The following TBC1D23 variants were observed in gnomAD, a reference collection of about 807,000 sequenced individuals.
The protein encoded by TBC1D23 is TBC1 domain family member 23.
Under a neutral mutation model 91.4 loss-of-function variants are expected in TBC1D23, and 55 were observed. The ratio of observed to expected loss-of-function variants is 0.60; its 90% confidence interval spans 0.48 to 0.75. The LOEUF is 0.75. TBC1D23 is among the 30% of genes least tolerant of loss of function. The pLI is 0.00. For missense variants in TBC1D23, 725 were observed against 836.1 expected (o/e 0.87, Z 1.64); for synonymous variants, 289 against 281.0 (o/e 1.03, Z -0.28).
chr3:100,308,483 A>G (rs1057331848), intron 13 of TBC1D23, among the ~76,000 whole-genome samples: 3 of 152,204 alleles, frequency 2.0e-5, no homozygotes, highest in African/African-American at 7.2e-5. Context: ...TCTCAAAAAA[A>G]AAAAAAAATT....
Position 100,298,062 on chromosome 3 carries a change from C to T in TBC1D23, c.999+17C>T, listed in dbSNP as rs762572508. The T allele has an allele frequency of 6.2e-7, 1 of 1,610,028 alleles. No homozygotes were observed. The highest frequency in any genetic ancestry group is 1.3e-5 in the African/African-American group (1 of 74,734). On this transcript the variant is annotated intron_variant, in intron 9 of 18. Transcript: ENST00000394144. ...CTACAAGGGGTAAGTAAAGGAAACCCAGTTTGTTAGGGGACTGTTCATTTT... is the reference window on the plus strand; with the variant it reads ...CTACAAGGGGTAAGTAAAGGAAACCTAGTTTGTTAGGGGACTGTTCATTTT...
intron 1 of TBC1D23, among the ~76,000 whole-genome samples, chr3:100,265,027 A>G (rs2067546726): frequency 6.6e-6 from 1 of 152,194 alleles, no homozygotes; most frequent in Admixed American, 6.5e-5. Flanking sequence ...GGTTATATAT[A>G]TATCAGAATG....
intron 7 of TBC1D23, among the ~76,000 whole-genome samples, chr3:100,295,724 C>T (rs1312227015): frequency 6.6e-6 from 1 of 152,114 alleles, no homozygotes; most frequent in African/African-American, 2.4e-5. Flanking sequence ...CCACCATATC[C>T]CCCACATAGA....
chr3:100,316,591 A>G (rs542974923), intron 16 of TBC1D23, among the ~76,000 whole-genome samples: 9 of 152,268 alleles, frequency 5.9e-5, no homozygotes, highest in Admixed American at 3.9e-4. Flanking sequence ...ATAGTATTTA[A>G]ATCCAAGTGA....
Position 100,298,046 on chromosome 3 carries a change from G to T in TBC1D23, c.999+1G>T. ...CCTTCAAGCGAATCAGCTACAAGGG[G>T]TAAGTAAAGGAAACCCAGTTTGTTA... On this transcript the variant is annotated splice_donor_variant, in intron 9 of 18. Coordinates refer to ENST00000394144, the MANE Select transcript of TBC1D23 (RefSeq NM_001199198.3). LOFTEE classifies it high-confidence loss of function. 6.2e-7 allele frequency: 1 copy of T among 1,612,254 alleles called. No homozygotes were observed. The highest frequency in any genetic ancestry group is 1.1e-5 in the South Asian group (1 of 90,654).
At chr3:100,309,772 G>A (rs6775160) in intron 13 of TBC1D23, among the ~76,000 whole-genome samples, 2,029 of 151,880 alleles carry the variant, frequency 0.013, 63 homozygotes, top group African/African-American at 0.047. Flanking sequence ...CACCACGCCC[G>A]GCTAATTTTT....
chr3:100,294,282 A>G (rs1448477794), intron 5 of TBC1D23, among the ~76,000 whole-genome samples: 2 of 149,364 alleles, frequency 1.3e-5, no homozygotes, highest in Non-Finnish European at 3.0e-5. Context: ...TTTTTTTGAG[A>G]CAGAGTCTCA....
chr3:100,285,341 C>A (rs907788454), intron 4 of TBC1D23, among the ~76,000 whole-genome samples: 1 of 152,074 alleles, frequency 6.6e-6, no homozygotes, highest in Non-Finnish European at 1.5e-5. Flanking sequence ...AGGAATCATA[C>A]CTTATATGTT....
intron 10 of TBC1D23, among the ~76,000 whole-genome samples, chr3:100,301,566 C>T (rs547173955): frequency 2.0e-5 from 3 of 152,200 alleles, no homozygotes; most frequent in South Asian, 2.1e-4. Flanking sequence ...TAGTTATTGT[C>T]GTACTTGTTT....
At chr3:100,319,411 A>C (rs1215313398) in intron 17 of TBC1D23, among the ~76,000 whole-genome samples, 1 of 151,408 alleles carries the variant, frequency 6.6e-6, no homozygotes, top group Non-Finnish European at 1.5e-5. Context: ...GGAATAGTAC[A>C]TTGAACACCC....
chr3:100,301,946 T>C (rs574947167), intron 10 of TBC1D23, 121 bp from the exon 11 acceptor site: 35 of 668,364 alleles, frequency 5.2e-5, no homozygotes, highest in South Asian at 5.2e-4. Context: ...AGCCTTTTTT[T>C]CCCCTTCATT....
intron 1 of TBC1D23, among the ~76,000 whole-genome samples, chr3:100,274,114 A>C (rs35141973): frequency 0.24 from 35,781 of 152,072 alleles, 4,673 homozygotes; most frequent in East Asian, 0.5. Flanking sequence ...ATTCTTTAAA[A>C]TGATTATGAT....
At chr3:100,290,376 C>T (rs1034633041) in intron 4 of TBC1D23, among the ~76,000 whole-genome samples, 1 of 152,134 alleles carries the variant, frequency 6.6e-6, no homozygotes, top group Non-Finnish European at 1.5e-5. Context: ...GAGAATGTCC[C>T]TAGAGTGGCT....
chr3:100,280,008 G>A (rs1490623590), intron 2 of TBC1D23, among the ~76,000 whole-genome samples: 2 of 152,124 alleles, frequency 1.3e-5, no homozygotes, highest in Non-Finnish European at 2.9e-5. Flanking sequence ...TATGGGGCCA[G>A]GCACAATGGC....
chr3:100,323,703 A>T lies in TBC1D23; in HGVS notation c.*35A>T. The T allele has an allele frequency of 8.7e-7, 1 of 1,146,616 alleles. No individual in the cohort carries two copies. The highest frequency in any genetic ancestry group is 2.9e-5 in the East Asian group (1 of 34,004). The allele number at this position is 1,146,616 out of a possible 1,614,324, so 71.0% of individuals were successfully genotyped here. Reference sequence around the variant, plus strand: ...AAATTATATAAAAAGAAATTAAGACAACCAAGAGAAACATGGACATATACC... The same window carrying T: ...AAATTATATAAAAAGAAATTAAGACTACCAAGAGAAACATGGACATATACC... On this transcript the variant is annotated 3_prime_UTR_variant, in exon 19 of 19. Coordinates refer to ENST00000394144, the MANE Select transcript of TBC1D23 (RefSeq NM_001199198.3).
At chr3:100,319,242 A>C in intron 17 of TBC1D23, 38 bp downstream of exon 17, 1 of 1,563,726 alleles carries the variant, frequency 6.4e-7, no homozygotes, top group Admixed American at 1.9e-5. Context: ...GTAAAATTGA[A>C]TTTGGGGAAG....
At chr3:100,270,241 G>A (rs532458214) in intron 1 of TBC1D23, among the ~76,000 whole-genome samples, 2 of 152,238 alleles carry the variant, frequency 1.3e-5, no homozygotes, top group South Asian at 4.1e-4. Flanking sequence ...TTGAAGGTTT[G>A]AATAAAAGAA....
At chr3:100,266,016 T>C (rs995335883) in intron 1 of TBC1D23, among the ~76,000 whole-genome samples, 1 of 152,100 alleles carries the variant, frequency 6.6e-6, no homozygotes, top group Non-Finnish European at 1.5e-5. Context: ...AAGAAATATA[T>C]TAAATGTAAA....
In TBC1D23 at chr3:100,289,706, CTG is replaced by C. The variant is rs1216547143; in HGVS notation, c.477-870_477-869del. On this transcript the variant is annotated intron_variant, in intron 4 of 18. Coordinates refer to ENST00000394144, the MANE Select transcript of TBC1D23 (RefSeq NM_001199198.3). ...TGCTTCCTGAGATGATGACTAGAAA[CTG>C]TAGGAAATCCATGGCCCAAAATGCA... 9.2e-5 allele frequency among the ~76,000 whole-genome samples: 14 copies of C among 152,156 alleles called. 1 individual carries two copies. The highest frequency in any genetic ancestry group is 4.4e-5 in the Non-Finnish European group (3 of 68,040).
Sources: allele counts gnomAD v4.1 joint callset (sites outside exome capture counted in the v4.1 genomes callset), GRCh38; gene constraint gnomAD v4.1.1; transcripts MANE v1.5; gene names NCBI Gene and HGNC (gene_info 2026-07-23, HGNC 2026-07-21).